MSTO1: variants seen among roughly 807,000 people sequenced by gnomAD.
MSTO1 encodes misato mitochondrial distribution and morphology regulator 1, also known as protein misato homolog 1.
Under a neutral mutation model 55.7 loss-of-function variants are expected in MSTO1, and 24 were observed. That is an observed-to-expected ratio of 0.43 (90% CI 0.31 to 0.61). The LOEUF (loss-of-function observed/expected upper bound fraction) is 0.61, where lower values mean the gene tolerates loss of function less well. MSTO1 is among the 20% of genes least tolerant of loss of function. The probability of loss-of-function intolerance (pLI) is 0.09; values close to 1 mark genes in which losing one functional copy is unlikely to be tolerated. For missense variants in MSTO1, 363 were observed against 625.7 expected (o/e 0.58, Z 4.48); for synonymous variants, 162 against 252.8 (o/e 0.64, Z 3.41).
chr1:155,581,665 G>A, the MSTO1 span, among the ~76,000 whole-genome samples: 16 of 152,018 alleles, frequency 1.1e-4, no homozygotes, highest in Non-Finnish European at 2.2e-4. Context: ...GCCTCCCAAA[G>A]TACTGGGATT....
chr1:155,582,182 C>T, the MSTO1 span, among the ~76,000 whole-genome samples: 1 of 152,132 alleles, frequency 6.6e-6, no homozygotes, highest in Non-Finnish European at 1.5e-5. Flanking sequence ...TGAGCCACCA[C>T]GCCCGGCCAA....
chr1:155,591,094 T>C, the MSTO1 span: 1 of 1,613,638 alleles, frequency 6.2e-7, no homozygotes. Context: ...GCTAGTGCTC[T>C]GCACCACTCA....
the MSTO1 span, among the ~76,000 whole-genome samples, chr1:155,566,484 A>T: frequency 5.8e-3 from 882 of 152,108 alleles, 6 homozygotes; most frequent in African/African-American, 0.02. Flanking sequence ...AAATAAGAAA[A>T]ATTAGCCAGG....
the MSTO1 span, among the ~76,000 whole-genome samples, chr1:155,570,454 G>T: frequency 6.6e-6 from 1 of 152,154 alleles, no homozygotes; most frequent in African/African-American, 2.4e-5. Flanking sequence ...ACATCAGCAT[G>T]ACTCAGTGAT....
the MSTO1 span, among the ~76,000 whole-genome samples, chr1:155,602,868 A>G: frequency 6.6e-6 from 1 of 151,998 alleles, no homozygotes; most frequent in South Asian, 2.1e-4. Context: ...TTTTTAGGGA[A>G]CCAGAAATGT....
chr1:155,606,199 T>G (rs1055736118), upstream of MSTO1, among the ~76,000 whole-genome samples: 1 of 24,170 alleles, frequency 4.1e-5, no homozygotes, highest in African/African-American at 1.3e-4. Context: ...ATGCCCAGCC[T>G]TTTTTTTTTT....
upstream of MSTO1, among the ~76,000 whole-genome samples, chr1:155,606,463 T>A (rs1672938020): frequency 6.7e-6 from 1 of 150,332 alleles, no homozygotes; most frequent in East Asian, 2.0e-4. Flanking sequence ...GACATGATCT[T>A]GGCTCACTGC....
At chr1:155,563,790 A>G in the MSTO1 span, 3 of 352,598 alleles carry the variant, frequency 8.5e-6, no homozygotes, top group South Asian at 6.5e-5. Context: ...AAATAATAAG[A>G]TAATATATGT....
chr1:155,591,101 C>T, the MSTO1 span: 5 of 1,613,634 alleles, frequency 3.1e-6, no homozygotes, highest in Non-Finnish European at 4.2e-6. Flanking sequence ...CTCTGCACCA[C>T]TCAGGACATC....
chr1:155,600,556 C>CTTTTTTTTTTTTTTTTTTTTT, the MSTO1 span, among the ~76,000 whole-genome samples: 3 of 149,890 alleles, frequency 2.0e-5, no homozygotes, highest in African/African-American at 7.5e-5. Context: ...TTTTTTCTTT[C>CTTTTTTTTTTTTTTTTTTTTT]TTTTTTTTTG....
the MSTO1 span, among the ~76,000 whole-genome samples, chr1:155,577,245 C>T: frequency 6.6e-6 from 1 of 151,322 alleles, no homozygotes; most frequent in Non-Finnish European, 1.5e-5. Flanking sequence ...CCTGCCACCA[C>T]GCCCGGCTAA....
chr1:155,606,369 C>CT (rs540201391), upstream of MSTO1, among the ~76,000 whole-genome samples: 3,176 of 144,766 alleles, frequency 0.022, 115 homozygotes, highest in African/African-American at 0.077. Flanking sequence ...CAAGATACAA[C>CT]TTTTTTTTTT....
At chr1:155,579,031 G>A in the MSTO1 span, among the ~76,000 whole-genome samples, 1 of 151,400 alleles carries the variant, frequency 6.6e-6, no homozygotes, top group Non-Finnish European at 1.5e-5. Flanking sequence ...GAGGAGGCCA[G>A]GTGTGGTGGC....
the MSTO1 span, among the ~76,000 whole-genome samples, chr1:155,575,836 ATTTT>A: frequency 1.8e-4 from 26 of 144,814 alleles, no homozygotes; most frequent in African/African-American, 6.6e-4. Flanking sequence ...TTATTTATTT[ATTTT>A]TGAGACAGAG....
the MSTO1 span, chr1:155,586,792 G>A: frequency 2.7e-6 from 1 of 371,652 alleles, no homozygotes; most frequent in Non-Finnish European, 5.4e-6. Context: ...CTGTCACCCT[G>A]GCTGGAGCGC....
the MSTO1 span, among the ~76,000 whole-genome samples, chr1:155,567,788 A>T: frequency 2.7e-5 from 4 of 148,856 alleles, no homozygotes; most frequent in South Asian, 2.3e-4. Context: ...GTAACCCCAC[A>T]CTTTGGGAGG....
chr1:155,595,597 C>T, the MSTO1 span, among the ~76,000 whole-genome samples: 6 of 151,734 alleles, frequency 4.0e-5, no homozygotes, highest in South Asian at 8.3e-4. Context: ...AAGCAATTCT[C>T]GTGCTTCAGC....
chr1:155,607,562 A>C (rs1398201161), upstream of MSTO1, among the ~76,000 whole-genome samples: 2 of 152,226 alleles, frequency 1.3e-5, no homozygotes, highest in East Asian at 3.8e-4. Context: ...AGGAAGGATA[A>C]AATAATGTAA....
the MSTO1 span, chr1:155,591,017 C>T: frequency 7.8e-5 from 126 of 1,613,880 alleles, no homozygotes; most frequent in East Asian, 4.7e-4. Flanking sequence ...ATGACACAGA[C>T]GGCACGTGCA....
Sources: allele counts gnomAD v4.1 joint callset (sites outside exome capture counted in the v4.1 genomes callset), GRCh38; gene constraint gnomAD v4.1.1; transcripts MANE v1.5; gene names NCBI Gene and HGNC (gene_info 2026-07-23, HGNC 2026-07-21).